The following CCDC91 variants were observed in gnomAD, a reference collection of about 807,000 sequenced individuals.
The protein encoded by CCDC91 is coiled-coil domain containing 91, also known as coiled-coil domain-containing protein 91.
CCDC91 carries 48 observed loss-of-function variants against 63.2 expected under a neutral mutation model. The ratio of observed to expected loss-of-function variants is 0.76; its 90% confidence interval spans 0.60 to 0.97. CCDC91 has a LOEUF of 0.97. Ranked by LOEUF, CCDC91 falls within the 50% of genes least tolerant of loss-of-function variation. The probability of loss-of-function intolerance (pLI) is 0.00; values close to 1 mark genes in which losing one functional copy is unlikely to be tolerated. For missense variants in CCDC91, 500 were observed against 494.6 expected (o/e 1.01, Z -0.10); for synonymous variants, 167 against 165.8 (o/e 1.01, Z -0.06).
intron 12 of CCDC91, among the ~76,000 whole-genome samples, chr12:28,498,155 C>T (rs1403960122): frequency 1.3e-5 from 2 of 151,650 alleles, no homozygotes; most frequent in African/African-American, 4.8e-5. Context: ...AAATCTCTTT[C>T]ACTTCCTCCA....
intron 7 of CCDC91, among the ~76,000 whole-genome samples, chr12:28,366,837 G>A (rs1039859607): frequency 2.0e-5 from 3 of 152,030 alleles, no homozygotes; most frequent in African/African-American, 7.2e-5. Context: ...CTCACAGCCG[G>A]ACTGGTATTG....
At chr12:28,472,776 G>A (rs1950885747) in intron 11 of CCDC91, among the ~76,000 whole-genome samples, 1 of 152,112 alleles carries the variant, frequency 6.6e-6, no homozygotes, top group African/African-American at 2.4e-5. Context: ...TTTCCTTTTA[G>A]CATGTCATTG....
At chr12:28,240,324 G>T (rs1945250153) in intron 1 of CCDC91, among the ~76,000 whole-genome samples, 1 of 151,944 alleles carries the variant, frequency 6.6e-6, no homozygotes, top group East Asian at 1.9e-4. Context: ...TTATCTCTTG[G>T]TCTAGTTTTA....
chr12:28,391,478 T>G (rs1945943569), intron 8 of CCDC91, 67 bp downstream of exon 8: 9 of 932,534 alleles, frequency 9.7e-6, no homozygotes, highest in Non-Finnish European at 1.5e-5. Context: ...GAGAGCTCTA[T>G]AACTGTTTAT....
At chr12:28,310,165 A>G (rs1349740004) in intron 6 of CCDC91, among the ~76,000 whole-genome samples, 1 of 152,076 alleles carries the variant, frequency 6.6e-6, no homozygotes, top group African/African-American at 2.4e-5. Flanking sequence ...ATTAAAAGGC[A>G]TAGTACTGAA....
In CCDC91 at chr12:28,306,836, A is replaced by G. The variant is rs143087318; in HGVS notation, c.362A>G (p.Asp121Gly). 6.2e-4 allele frequency: 1,003 copies of G among 1,612,188 alleles called. 6 individuals are homozygous for G. The African/African-American group carries it at 0.012, about 19-fold the overall frequency. The stretch of plus-strand genomic sequence containing the variant: ...AATGGAACAATTGCCCTTGTGGATG[A>G]TTCTGAGGATCCTGGAGCCAATGTA... ...KSNGTIALVD[D>G]SEDPGANVSN... The change falls in exon 5 of 13, where the codon GAT becomes GGT. Residue 121 changes from aspartate to glycine, a missense_variant. Asp to Gly is a moderately conservative substitution (Grantham distance 94, BLOSUM62 -1). Transcript: ENST00000536442.
rs1952390559 is a variant in CCDC91 at position 28,497,834 on chromosome 12, G to GT, written c.1215+13670dup. ...ACATTTAAAATAACTTTATGGCTTA[G>GT]TATTTCCTTTGTAGTTTAGAGTACT... is the stretch of plus-strand genomic sequence containing the variant. On this transcript the variant is annotated intron_variant, in intron 12 of 12. Coordinates refer to ENST00000536442, the MANE Select transcript of CCDC91 (RefSeq NM_018318.5). 4.6e-5 allele frequency among the ~76,000 whole-genome samples: 7 copies of GT among 151,562 alleles called. No homozygotes were observed. The Admixed American group carries it at 4.6e-4, about 10-fold the overall frequency.
chr12:28,332,370 T>C (rs976506393), intron 6 of CCDC91, among the ~76,000 whole-genome samples: 15 of 152,186 alleles, frequency 9.9e-5, no homozygotes, highest in African/African-American at 3.4e-4. Flanking sequence ...TTAAGGAAGA[T>C]ATTGAAAATC....
At chr12:28,220,026 A>G (rs1423463087) in intron 1 of CCDC91, among the ~76,000 whole-genome samples, 3 of 152,094 alleles carry the variant, frequency 2.0e-5, no homozygotes, top group Admixed American at 6.6e-5. Context: ...TGTGGCATAC[A>G]GTTGGGTCTT....
intron 12 of CCDC91, among the ~76,000 whole-genome samples, chr12:28,493,943 A>C (rs905173952): frequency 1.3e-5 from 2 of 151,656 alleles, no homozygotes; most frequent in Non-Finnish European, 3.0e-5. Flanking sequence ...TTTCTACTTG[A>C]GCATGCCCAA....
intron 1 of CCDC91, among the ~76,000 whole-genome samples, chr12:28,235,460 TAG>T (rs1298378833): frequency 2.0e-5 from 3 of 151,982 alleles, no homozygotes; most frequent in Non-Finnish European, 2.9e-5. Context: ...ATGAAACAAC[TAG>T]AGAGAGTAAA....
At chr12:28,395,678 G>A (rs956210286) in intron 8 of CCDC91, among the ~76,000 whole-genome samples, 2 of 152,194 alleles carry the variant, frequency 1.3e-5, no homozygotes, top group African/African-American at 4.8e-5. Flanking sequence ...AAGAGTATCT[G>A]TGGTAGCTTC....
At chr12:28,406,421 G>A (rs1309453178) in intron 8 of CCDC91, among the ~76,000 whole-genome samples, 1 of 152,126 alleles carries the variant, frequency 6.6e-6, no homozygotes, top group Non-Finnish European at 1.5e-5. Context: ...ACCTAGCTAG[G>A]TTGTATGGTA....
chr12:28,298,744 C>A (rs1253394024), intron 3 of CCDC91, among the ~76,000 whole-genome samples: 3 of 130,660 alleles, frequency 2.3e-5, no homozygotes, highest in Middle Eastern at 4.0e-3. Flanking sequence ...AAAACAACAA[C>A]AACAACAACA....
chr12:28,245,949 G>T (rs767080204), intron 1 of CCDC91, among the ~76,000 whole-genome samples: 9 of 152,112 alleles, frequency 5.9e-5, no homozygotes, highest in Non-Finnish European at 1.2e-4. Flanking sequence ...AACAAAAGTA[G>T]ATGTATTGAA....
At chr12:28,443,199 T>TA (rs1451670576) in intron 8 of CCDC91, among the ~76,000 whole-genome samples, 1 of 148,258 alleles carries the variant, frequency 6.7e-6, no homozygotes, top group East Asian at 2.0e-4. Flanking sequence ...TCTTCTCCCT[T>TA]AATAGTTAAT....
chr12:28,413,094 T>C (rs1947420722), intron 8 of CCDC91, among the ~76,000 whole-genome samples: 1 of 152,200 alleles, frequency 6.6e-6, no homozygotes, highest in South Asian at 2.1e-4. Context: ...TTCCATTGTT[T>C]TCTCATTTCT....
intron 3 of CCDC91, among the ~76,000 whole-genome samples, chr12:28,286,877 TA>T (rs1375339924): frequency 6.6e-6 from 1 of 152,232 alleles, no homozygotes; most frequent in African/African-American, 2.4e-5. Flanking sequence ...CAGCATCTAT[TA>T]TTTTTTTGAC....
At chr12:28,268,701 A>G (rs1206795048) in intron 3 of CCDC91, 10 of 982,246 alleles carry the variant, frequency 1.0e-5, no homozygotes, top group Non-Finnish European at 1.2e-5. Context: ...GGTAGAAGTC[A>G]TCATCCTGTT....
Sources: allele counts gnomAD v4.1 joint callset (sites outside exome capture counted in the v4.1 genomes callset), GRCh38; gene constraint gnomAD v4.1.1; transcripts MANE v1.5; gene names NCBI Gene and HGNC (gene_info 2026-07-23, HGNC 2026-07-21).